The following RASSF5 variants were observed in gnomAD, a reference collection of about 807,000 sequenced individuals.
The protein encoded by RASSF5 is ras association domain-containing protein 5.
A neutral mutation model predicts 40.5 loss-of-function variants in RASSF5; 25 were observed. The observed-to-expected ratio is 0.62, with a 90% CI of 0.45 to 0.86. The LOEUF (loss-of-function observed/expected upper bound fraction) is 0.86, where lower values mean the gene tolerates loss of function less well. Among genes scored for constraint, RASSF5 ranks in the 40% least tolerant of loss-of-function variants. The pLI, the probability that RASSF5 is intolerant of heterozygous loss-of-function variation, is 0.00. For missense variants in RASSF5, 521 were observed against 572.8 expected, an observed-to-expected ratio of 0.91 and a Z score of 0.92; for synonymous variants, 246 against 252.4, an observed-to-expected ratio of 0.97 and a Z score of 0.24.
At chr1:206,582,448 T>C (rs1487117025) in intron 2 of RASSF5, among the ~76,000 whole-genome samples, 1 of 152,214 alleles carries the variant, frequency 6.6e-6, no homozygotes, top group African/African-American at 2.4e-5. Context: ...CTTCTCTTAG[T>C]CTCAATAGTC....
At chr1:206,527,868 G>A (rs2103514671) in intron 1 of RASSF5, among the ~76,000 whole-genome samples, 1 of 152,232 alleles carries the variant, frequency 6.6e-6, no homozygotes. Flanking sequence ...TGAGGAATGG[G>A]CTGTTGAGGA....
intron 1 of RASSF5, among the ~76,000 whole-genome samples, chr1:206,530,710 C>T (rs375043474): frequency 6.6e-6 from 1 of 152,338 alleles, no homozygotes. Flanking sequence ...CCGGCAGAGG[C>T]TTCTCTGCCA....
chr1:206,528,519 C>T (rs1355232625), intron 1 of RASSF5, among the ~76,000 whole-genome samples: 4 of 152,022 alleles, frequency 2.6e-5, no homozygotes, highest in South Asian at 2.1e-4. Flanking sequence ...AGCCATAGAA[C>T]GTACAGCACC....
At position 206,507,719 on chromosome 1, in the gene RASSF5, C is replaced by T. The variant is rs1169220169; in HGVS notation, c.117C>T (p.Asp39=). The T allele has an allele frequency of 2.5e-5, 37 of 1,486,006 alleles. No homozygotes were observed. Among genetic ancestry groups the T allele is most frequent in the Non-Finnish European group, 3.3e-5 (37 of 1,125,086 alleles). 92.1% of individuals were successfully genotyped at this position (1,486,006 alleles called of 1,614,324 possible). A position where few individuals can be genotyped will look rare whatever the true frequency, so the allele number is the denominator to read the frequency against. The change falls in exon 1 of 6, where the codon GAC becomes GAT. Residue 39 remains aspartate (D), a synonymous_variant. Coordinates refer to ENST00000579436, the MANE Select transcript of RASSF5 (RefSeq NM_182663.4). ...CCGAGCTACCGCCGCCGCCCCCCGA[C>T]CGGTCCTCGCGCCTCTGTGTCCCGG... ...SGPELPPPPP[D]RSSRLCVPAP...
rs1326608151 is a variant in RASSF5, at chr1:206,516,138, C to T, written c.457+8079C>T. Reference sequence around the variant, plus strand: ...TGCTGGGCCATGGCTGAACTTGCCTCCAGCATGGAGGTCATTGAGTCATTG... The same window carrying T: ...TGCTGGGCCATGGCTGAACTTGCCTTCAGCATGGAGGTCATTGAGTCATTG... On this transcript the variant is annotated intron_variant, in intron 1 of 5. Coordinates refer to ENST00000579436, the MANE Select transcript of RASSF5 (RefSeq NM_182663.4). Among the ~76,000 whole-genome samples the T allele has an allele frequency of 1.3e-5, 2 of 152,202 alleles. 1 individual carries two copies. Among genetic ancestry groups the T allele is most frequent in the Non-Finnish European group, 2.9e-5 (2 of 68,040 alleles).
intron 2 of RASSF5, among the ~76,000 whole-genome samples, chr1:206,568,056 T>C (rs1258033473): frequency 6.6e-6 from 1 of 152,144 alleles, no homozygotes; most frequent in African/African-American, 2.4e-5. Flanking sequence ...TTGAAGCTCT[T>C]GACCTCACAA....
intron 2 of RASSF5, among the ~76,000 whole-genome samples, chr1:206,541,012 A>G (rs181457174): frequency 2.0e-5 from 3 of 152,128 alleles, no homozygotes; most frequent in African/African-American, 7.2e-5. Context: ...TGCCTCACTC[A>G]GCCTTCTGAG....
chr1:206,549,673 T>C (rs1394421322), intron 2 of RASSF5, among the ~76,000 whole-genome samples: 1 of 152,210 alleles, frequency 6.6e-6, no homozygotes, highest in African/African-American at 2.4e-5. Flanking sequence ...AGTTCGATCC[T>C]TTTTAAGGTT....
At chr1:206,585,109 C>T in intron 4 of RASSF5, 71 bp from the exon 5 acceptor site, 2 of 1,158,892 alleles carry the variant, frequency 1.7e-6, no homozygotes, top group East Asian at 2.3e-5. Context: ...CATTTCCAAT[C>T]CTTTCCCGCA....
At chr1:206,529,540 A>G (rs1406251626) in intron 1 of RASSF5, 34 of 1,084,610 alleles carry the variant, frequency 3.1e-5, no homozygotes, top group Non-Finnish European at 4.6e-5. Context: ...TCAGAAGACA[A>G]GGGCGCTTTG....
intron 1 of RASSF5, 38 bp from the exon 2 acceptor site, chr1:206,538,134 G>T: frequency 6.2e-7 from 1 of 1,613,380 alleles, no homozygotes; most frequent in Non-Finnish European, 8.5e-7. Flanking sequence ...GAGGAATCCT[G>T]CCTGTCCTCT....
rs1267620519 is a variant in RASSF5, at chr1:206,579,986, G to T, written c.580-3283G>T. On this transcript the variant is annotated intron_variant, in intron 2 of 5. Transcript: ENST00000579436. The surrounding 1 kb of genome is among the most constrained non-coding windows in gnomAD (Gnocchi z 4.2). ...CATGGCTGTGACATTCGTAGTGTTG[G>T]CTACACACGGGGCTCCTGGCACTCC... Among the ~76,000 whole-genome samples, 7 of 152,326 alleles carry T rather than the reference G, an allele frequency of 4.6e-5. No individual in the cohort carries two copies. The East Asian group carries it at 1.3e-3, about 29-fold the overall frequency.
intron 2 of RASSF5, chr1:206,544,532 A>T (rs1667625524): frequency 1.3e-5 from 2 of 152,316 alleles, no homozygotes; most frequent in South Asian, 4.1e-4. Context: ...GTTTGGGTGG[A>T]CATTTTTTGC....
Position 206,535,743 on chromosome 1 carries a change from TGAGA to T in RASSF5, c.458-2414_458-2411del, listed in dbSNP as rs1233464559. On this transcript the variant is annotated intron_variant, in intron 1 of 5. Coordinates refer to ENST00000579436, the MANE Select transcript of RASSF5 (RefSeq NM_182663.4). The surrounding 1 kb of genome is among the most constrained non-coding windows in gnomAD (Gnocchi z 5.0). Reference sequence around the variant, plus strand: ...GTGTGTGTGTGTGTGTGTGTGTGTGTGAGAGAGAGAGAGAGAGATGGAAATTGAG... The same window carrying T: ...GTGTGTGTGTGTGTGTGTGTGTGTGTGAGAGAGAGAGAGATGGAAATTGAG... 6.8e-4 allele frequency among the ~76,000 whole-genome samples: 87 copies of T among 128,308 alleles called. No homozygotes were observed. The highest frequency in any genetic ancestry group is 2.3e-3 in the African/African-American group (80 of 34,948). 84.2% of individuals were successfully genotyped at this position (128,308 alleles called of 152,430 possible).
In RASSF5 at chr1:206,535,715, G is replaced by GTGGTGT. The variant is rs1553398561; in HGVS notation, c.458-2457_458-2456insTGGTGT. Reference sequence around the variant, plus strand: ...TGTGTGTGTGTGTCTGTGTGTGTGTGGTGTGTGTGTGTGTGTGTGTGTGTG... The same window carrying GTGGTGT: ...TGTGTGTGTGTGTCTGTGTGTGTGTGTGGTGTGTGTGTGTGTGTGTGTGTGTGTGTG... On this transcript the variant is annotated intron_variant, in intron 1 of 5. Coordinates refer to ENST00000579436, the MANE Select transcript of RASSF5 (RefSeq NM_182663.4). This position sits in a 1 kb window ranked among gnomAD's most constrained non-coding sequence, Gnocchi z 5.0. Among the ~76,000 whole-genome samples the GTGGTGT allele has an allele frequency of 6.9e-6, 1 of 145,006 alleles. No homozygotes were observed. Among genetic ancestry groups the GTGGTGT allele is most frequent in the African/African-American group, 2.6e-5 (1 of 38,938 alleles).
intron 1 of RASSF5, among the ~76,000 whole-genome samples, chr1:206,517,717 A>C (rs1553395598): frequency 1.3e-5 from 2 of 152,184 alleles, no homozygotes; most frequent in Non-Finnish European, 2.9e-5. Flanking sequence ...AACACCTGTG[A>C]GTACTGTTTT....
At chr1:206,519,996 C>T (rs1210389368) in intron 1 of RASSF5, among the ~76,000 whole-genome samples, 1 of 152,198 alleles carries the variant, frequency 6.6e-6, no homozygotes, top group African/African-American at 2.4e-5. Context: ...CTCTTTCCCC[C>T]TCCCTTACTC....
At chr1:206,554,238 TGATGTCCATAGTTGCTCAA>T (rs2103536064) in intron 2 of RASSF5, among the ~76,000 whole-genome samples, 1 of 152,276 alleles carries the variant, frequency 6.6e-6, no homozygotes, top group Non-Finnish European at 1.5e-5. Context: ...TGAGGAAACC[TGATGTCCATAGTTGCTCAA>T]GATACCATAT....
At position 206,560,794 on chromosome 1, in the gene RASSF5, A is replaced by G. The variant is rs1412429796; in HGVS notation, c.580-22475A>G. Among the ~76,000 whole-genome samples the G allele has an allele frequency of 1.3e-5, 2 of 152,214 alleles. No homozygotes were observed. The highest frequency in any genetic ancestry group is 2.9e-5 in the Non-Finnish European group (2 of 68,034). On this transcript the variant is annotated intron_variant, in intron 2 of 5. Transcript: ENST00000579436. The surrounding 1 kb of genome is among the most constrained non-coding windows in gnomAD (Gnocchi z 5.1). Reference sequence around the variant, plus strand: ...ACAAGACAAGGTTTTGATGGACCCAAGGTTAGAACTTCCCTCTTTTGCCTC... The same window carrying G: ...ACAAGACAAGGTTTTGATGGACCCAGGGTTAGAACTTCCCTCTTTTGCCTC...
Sources: allele counts gnomAD v4.1 joint callset (sites outside exome capture counted in the v4.1 genomes callset), GRCh38; gene constraint gnomAD v4.1.1; non-coding constraint Gnocchi (gnomAD v3.1); transcripts MANE v1.5; gene names NCBI Gene and HGNC (gene_info 2026-07-23, HGNC 2026-07-21).